KCNQ4: variants seen among roughly 807,000 people sequenced by gnomAD.
KCNQ4 encodes the protein potassium voltage-gated channel subfamily Q member 4.
KCNQ4 carries 31 observed loss-of-function variants against 72.6 expected under a neutral mutation model. The ratio of observed to expected loss-of-function variants is 0.43; its 90% CI spans 0.32 to 0.58. KCNQ4 has a LOEUF of 0.58. Among genes scored for constraint, KCNQ4 ranks in the 20% least tolerant of loss-of-function variants. The pLI is 0.08. For missense variants in KCNQ4, 869 were observed against 962.6 expected (o/e 0.90, Z 1.29); for synonymous variants, 405 against 403.7 (o/e 1.00, Z -0.04).
At chr1:40,799,328 G>A (rs1256810284) in intron 1 of KCNQ4, among the ~76,000 whole-genome samples, 1 of 152,212 alleles carries the variant, frequency 6.6e-6, no homozygotes, top group Non-Finnish European at 1.5e-5. Context: ...CAAAGTTGAG[G>A]GAAGATGATT....
rs1013619449 is a variant in KCNQ4 at position 40,817,699 on chromosome 1, G to A, written c.405+344G>A. ...GGGGACCTCCTGCCTCTATGCAAGG[G>A]CTTATGATGGGTCCAGAATAGAAGT... is the stretch of plus-strand genomic sequence containing the variant. On this transcript the variant is annotated intron_variant, in intron 2 of 13. Transcript: ENST00000347132. This position sits in a 1 kb window ranked among gnomAD's most constrained non-coding sequence, Gnocchi z 5.5. 1.3e-5 allele frequency among the ~76,000 whole-genome samples: 2 copies of A among 152,198 alleles called. No individual in the cohort carries two copies. Among genetic ancestry groups the A allele is most frequent in the Non-Finnish European group, 2.9e-5 (2 of 68,046 alleles).
chr1:40,826,837 C>G (rs1648493836), intron 9 of KCNQ4: 2 of 352,878 alleles, frequency 5.7e-6, no homozygotes, highest in Non-Finnish European at 1.2e-5. Context: ...GAACCCCTCG[C>G]CTTTCTGGGA....
At chr1:40,833,321 A>C (rs1648712150) in intron 11 of KCNQ4, among the ~76,000 whole-genome samples, 1 of 152,038 alleles carries the variant, frequency 6.6e-6, no homozygotes, top group South Asian at 2.1e-4. Flanking sequence ...GAGGCAGGAG[A>C]ATCACTTGAA....
rs1276851255 is a variant in KCNQ4 at position 40,839,989 on chromosome 1, T to C, written c.*1466T>C. 1.3e-5 allele frequency: 2 copies of C among 152,332 alleles called. No homozygotes were observed. Among genetic ancestry groups the C allele is most frequent in the Admixed American group, 6.5e-5 (1 of 15,290 alleles). 9.4% of individuals were successfully genotyped at this position (152,332 alleles called of 1,614,324 possible). A position where few individuals can be genotyped will look rare whatever the true frequency, so the allele number is the denominator to read the frequency against. ...GAACACTTTCTTATCCCCACCCCTT[T>C]GCTCCTCTTCTGCAAAGCCAATGCA... On this transcript the variant is annotated 3_prime_UTR_variant, in exon 14 of 14. Transcript: ENST00000347132.
At chr1:40,790,839 G>A (rs1166683991) in intron 1 of KCNQ4, among the ~76,000 whole-genome samples, 1 of 152,128 alleles carries the variant, frequency 6.6e-6, no homozygotes, top group African/African-American at 2.4e-5. Flanking sequence ...CGGGACCACT[G>A]GCCTCAGCTG....
At position 40,794,113 on chromosome 1, in the gene KCNQ4, G is replaced by A. The variant is rs1011762791; in HGVS notation, c.314+9706G>A. ...CTCAGCCCTCTGTGTGGAGCACTGA[G>A]CTGTGGGTGTTCATGATTTTTATCC... On this transcript the variant is annotated intron_variant, in intron 1 of 13. Coordinates refer to ENST00000347132, the MANE Select transcript of KCNQ4 (RefSeq NM_004700.4). The surrounding 1 kb of genome is among the most constrained non-coding windows in gnomAD (Gnocchi z 4.2). Among the ~76,000 whole-genome samples, 1 of 152,230 alleles carries A rather than the reference G, an allele frequency of 6.6e-6. No individual in the cohort carries two copies. The highest frequency in any genetic ancestry group is 2.4e-5 in the African/African-American group (1 of 41,462).
At chr1:40,791,694 A>G (rs1239875302) in intron 1 of KCNQ4, among the ~76,000 whole-genome samples, 1 of 152,146 alleles carries the variant, frequency 6.6e-6, no homozygotes, top group Non-Finnish European at 1.5e-5. Context: ...TCTCTAGCCT[A>G]AAGGATGGAG....
At position 40,826,708 on chromosome 1, in the gene KCNQ4, T is replaced by TGCTCCTCCTGTCCCC. The variant is rs1162798259; in HGVS notation, c.1292+2451_1292+2465dup. 1.5e-5 allele frequency: 7 copies of TGCTCCTCCTGTCCCC among 454,128 alleles called. No homozygotes were observed. In the East Asian group the frequency reaches 4.9e-4, roughly 32 times the overall value. The allele number at this position is 454,128 out of a possible 1,614,324, so 28.1% of individuals were successfully genotyped here. ...CTGGAGACCGAGGTACCCCCTCGCC[T>TGCTCCTCCTGTCCCC]GCTCCTCCTGTCCCCACTCCTCCTT... is the stretch of plus-strand genomic sequence containing the variant. On this transcript the variant is annotated intron_variant, in intron 9 of 13. Coordinates refer to ENST00000347132, the MANE Select transcript of KCNQ4 (RefSeq NM_004700.4).
intron 1 of KCNQ4, among the ~76,000 whole-genome samples, chr1:40,789,556 C>A (rs542824950): frequency 1.2e-4 from 19 of 152,228 alleles, no homozygotes; most frequent in Middle Eastern, 3.4e-3. Context: ...CCTTGCACTC[C>A]CCTTCACGCT....
rs901744855 is a variant in KCNQ4 at position 40,839,763 on chromosome 1, C to T, written c.*1240C>T. The T allele has an allele frequency of 1.3e-5, 2 of 152,382 alleles. No individual in the cohort carries two copies. Among genetic ancestry groups the T allele is most frequent in the African/African-American group, 4.8e-5 (2 of 41,460 alleles). 9.4% of individuals were successfully genotyped at this position (152,382 alleles called of 1,614,324 possible). A position where few individuals can be genotyped will look rare whatever the true frequency, so the allele number is the denominator to read the frequency against. On this transcript the variant is annotated 3_prime_UTR_variant, in exon 14 of 14. Coordinates refer to ENST00000347132, the MANE Select transcript of KCNQ4 (RefSeq NM_004700.4). Reference sequence around the variant, plus strand: ...CAACTCGGGCCCAGGCCTGACACCACTGGAGAGACCCCAGGCCCACTTCTA... The same window carrying T: ...CAACTCGGGCCCAGGCCTGACACCATTGGAGAGACCCCAGGCCCACTTCTA...
Position 40,817,271 on chromosome 1 carries a change from G to A in KCNQ4, c.321G>A (p.Leu107=). The change falls in exon 2 of 14, where the codon TTG becomes TTA. Residue 107 remains leucine (L), a synonymous_variant. Coordinates refer to ENST00000347132, the MANE Select transcript of KCNQ4 (RefSeq NM_004700.4). The surrounding 1 kb of genome is among the most constrained non-coding windows in gnomAD (Gnocchi z 5.5). ...CCTCATGTTGTAATTGCAGATTTTTGCTGGTCTTCAGCTGCCTGGTGCTGT... is the reference window on the plus strand; with the variant it reads ...CCTCATGTTGTAATTGCAGATTTTTACTGGTCTTCAGCTGCCTGGTGCTGT... ...WAFVYHVFIF[L]LVFSCLVLSV... is the part of the protein sequence containing the mutation. 1 of 1,613,444 alleles carries A rather than the reference G, an allele frequency of 6.2e-7. No homozygotes were observed. The highest frequency in any genetic ancestry group is 1.1e-5 in the South Asian group (1 of 90,788).
intron 1 of KCNQ4, among the ~76,000 whole-genome samples, chr1:40,795,202 G>A (rs1443458154): frequency 6.6e-6 from 1 of 151,392 alleles, no homozygotes. Context: ...TATAGCAAGT[G>A]CTTGGTAAAC....
In KCNQ4 at chr1:40,820,153, C is replaced by A; in HGVS notation, c.946-12C>A. On this transcript the variant is annotated splice_polypyrimidine_tract_variant and intron_variant, in intron 6 of 13. Transcript: ENST00000347132. ...GCCAGCACATTCCCCCAACCATGCCCTATCCCTCTAGGGCATCCTAGGCTC... is the reference window on the plus strand; with the variant it reads ...GCCAGCACATTCCCCCAACCATGCCATATCCCTCTAGGGCATCCTAGGCTC... The A allele has an allele frequency of 1.2e-6, 2 of 1,601,480 alleles. No homozygotes were observed. Among genetic ancestry groups the A allele is most frequent in the East Asian group, 2.3e-5 (1 of 44,112 alleles).
intron 1 of KCNQ4, among the ~76,000 whole-genome samples, chr1:40,810,730 G>T (rs1258291033): frequency 6.6e-6 from 1 of 152,126 alleles, no homozygotes; most frequent in African/African-American, 2.4e-5. Context: ...AGAGAATCTG[G>T]AGCTGAGCTG....
At position 40,784,487 on chromosome 1, in the gene KCNQ4, C is replaced by G. The variant is rs1215495502; in HGVS notation, c.314+80C>G. On this transcript the variant is annotated intron_variant, in intron 1 of 13. Transcript: ENST00000347132. The surrounding 1 kb of genome is among the most constrained non-coding windows in gnomAD (Gnocchi z 4.1). Reference sequence around the variant, plus strand: ...GGGGCACGGCCGCCCCGCCCTGGCTCCGCCTTCTACCCCCCTGCCTCAGGG... The same window carrying G: ...GGGGCACGGCCGCCCCGCCCTGGCTGCGCCTTCTACCCCCCTGCCTCAGGG... 18 of 1,368,716 alleles carry G rather than the reference C, an allele frequency of 1.3e-5. No homozygotes were observed. Among genetic ancestry groups the G allele is most frequent in the Non-Finnish European group, 1.7e-5 (17 of 974,206 alleles). 84.8% of individuals were successfully genotyped at this position (1,368,716 alleles called of 1,614,324 possible). A position where few individuals can be genotyped will look rare whatever the true frequency, so the allele number is the denominator to read the frequency against.
chr1:40,807,425 G>A (rs892381302), intron 1 of KCNQ4, among the ~76,000 whole-genome samples: 2 of 152,220 alleles, frequency 1.3e-5, no homozygotes, highest in Non-Finnish European at 2.9e-5. Flanking sequence ...AGCAGCGGCA[G>A]TGGCGGCGGC....
chr1:40,827,762 A>G (rs1415034333), intron 9 of KCNQ4, among the ~76,000 whole-genome samples: 1 of 152,172 alleles, frequency 6.6e-6, no homozygotes, highest in African/African-American at 2.4e-5. Flanking sequence ...TCCTTGGGCA[A>G]ATCACCTGAC....
chr1:40,793,715 C>A (rs977716541), intron 1 of KCNQ4, among the ~76,000 whole-genome samples: 5 of 152,182 alleles, frequency 3.3e-5, no homozygotes, highest in African/African-American at 1.2e-4. Context: ...CAAAGCATTG[C>A]GCTGTTTAGT....
At chr1:40,786,877 GGGTT>G (rs962923750) in intron 1 of KCNQ4, among the ~76,000 whole-genome samples, 1 of 152,138 alleles carries the variant, frequency 6.6e-6, no homozygotes, top group Non-Finnish European at 1.5e-5. Flanking sequence ...TCCAGATGTG[GGGTT>G]TCTCAGTCAC....
Sources: allele counts gnomAD v4.1 joint callset (sites outside exome capture counted in the v4.1 genomes callset), GRCh38; gene constraint gnomAD v4.1.1; non-coding constraint Gnocchi (gnomAD v3.1); transcripts MANE v1.5; gene names NCBI Gene and HGNC (gene_info 2026-07-23, HGNC 2026-07-21).